TIMP3: variants seen among roughly 807,000 people sequenced by gnomAD.
TIMP3 encodes the protein TIMP metallopeptidase inhibitor 3.
A neutral mutation model predicts 30.0 loss-of-function variants in TIMP3; 11 were observed. The ratio of observed to expected loss-of-function variants is 0.37; its 90% CI spans 0.23 to 0.61. The LOEUF is 0.61. Ranked by LOEUF, TIMP3 falls within the 20% of genes least tolerant of loss-of-function variation. TIMP3 has a pLI of 0.70. For synonymous variants in TIMP3, 112 were observed against 111.3 expected, an observed-to-expected ratio of 1.01 and a Z score of -0.04; for missense variants, 181 against 276.8, an observed-to-expected ratio of 0.65 and a Z score of 2.45.
Position 32,857,868 on chromosome 22 carries a change from G to T in TIMP3, c.317-149G>T, listed in dbSNP as rs2146288481. ...AATGGGGCTACAGTCCATTTTAAAAGGTGTTGGGTAGGGTGAAATAAAATC... is the reference window on the plus strand; with the variant it reads ...AATGGGGCTACAGTCCATTTTAAAATGTGTTGGGTAGGGTGAAATAAAATC... On this transcript the variant is annotated intron_variant, in intron 3 of 4. Transcript: ENST00000266085. The T allele has an allele frequency of 2.5e-6, 3 of 1,194,892 alleles. No homozygotes were observed. The South Asian group carries it at 3.8e-5, about 15-fold the overall frequency. 74.0% of individuals were successfully genotyped at this position (1,194,892 alleles called of 1,614,324 possible). A position where few individuals can be genotyped will look rare whatever the true frequency, so the allele number is the denominator to read the frequency against.
intron 1 of TIMP3, among the ~76,000 whole-genome samples, chr22:32,813,486 TACACACACACACACACAC>T (rs130277): frequency 2.3e-4 from 32 of 138,284 alleles, no homozygotes; most frequent in Admixed American, 8.6e-4. Context: ...TCTGAAAAGA[TACACACACACACACACAC>T]ACACACACAC....
chr22:32,849,268 C>T (rs554501648), intron 1 of TIMP3, among the ~76,000 whole-genome samples, 184 bp from the exon 2 acceptor site: 55 of 152,188 alleles, frequency 3.6e-4, no homozygotes, highest in Middle Eastern at 6.8e-3. Flanking sequence ...GTTTCTTTTT[C>T]CTCCAACCTC....
At chr22:32,813,065 T>A (rs1045731038) in intron 1 of TIMP3, among the ~76,000 whole-genome samples, 2 of 152,204 alleles carry the variant, frequency 1.3e-5, no homozygotes, top group African/African-American at 4.8e-5. Context: ...TCCTCACTTG[T>A]CATCCATGCC....
chr22:32,851,987 A>G (rs960718156), intron 2 of TIMP3, among the ~76,000 whole-genome samples: 1 of 152,180 alleles, frequency 6.6e-6, no homozygotes, highest in Non-Finnish European at 1.5e-5. Flanking sequence ...GTACTGTACT[A>G]TGAACTGGGG....
At chr22:32,830,974 G>T (rs1178255608) in intron 1 of TIMP3, among the ~76,000 whole-genome samples, 1 of 152,286 alleles carries the variant, frequency 6.6e-6, no homozygotes, top group East Asian at 1.9e-4. Context: ...CCCAACCAGG[G>T]GCACAGGGGT....
intron 1 of TIMP3, among the ~76,000 whole-genome samples, chr22:32,815,853 A>G (rs2047075974): frequency 6.6e-6 from 1 of 152,086 alleles, no homozygotes; most frequent in Non-Finnish European, 1.5e-5. Flanking sequence ...CGGTCACCCC[A>G]CTGCATGATG....
In TIMP3 at chr22:32,858,068, G is replaced by C; in HGVS notation, c.368G>C (p.Arg123Thr). The change falls in exon 4 of 5, where the codon AGG (arginine) becomes ACG (threonine). Residue 123 changes from arginine to threonine, a missense_variant. Physicochemically the swap from Arg to Thr is moderately conservative, Grantham distance 71 (BLOSUM62 -1). Coordinates refer to ENST00000266085, the MANE Select transcript of TIMP3 (RefSeq NM_000362.5). ...ACGGGGCTGTGCAACTTCGTGGAGA[G>C]GTGGGACCAGCTCACCCTCTCCCAG... ...MYTGLCNFVE[R>T]WDQLTLSQRK... 6.2e-7 allele frequency: 1 copy of C among 1,614,184 alleles called. No homozygotes were observed. Among genetic ancestry groups the C allele is most frequent in the Non-Finnish European group, 8.5e-7 (1 of 1,180,020 alleles).
intron 1 of TIMP3, among the ~76,000 whole-genome samples, chr22:32,822,582 C>G (rs552053279): frequency 6.6e-6 from 1 of 152,300 alleles, no homozygotes; most frequent in Non-Finnish European, 1.5e-5. Context: ...GCAATGGAGT[C>G]CATTGCTACA....
chr22:32,846,818 T>C (rs534788811), intron 1 of TIMP3, among the ~76,000 whole-genome samples: 1 of 152,308 alleles, frequency 6.6e-6, no homozygotes, highest in African/African-American at 2.4e-5. Context: ...GATCATACAG[T>C]AATGGTGGAA....
At chr22:32,854,721 G>A (rs560618709) in intron 2 of TIMP3, among the ~76,000 whole-genome samples, 9 of 152,264 alleles carry the variant, frequency 5.9e-5, no homozygotes, top group South Asian at 4.1e-4. Flanking sequence ...CCCCCACCGC[G>A]TAATTGAATG....
intron 1 of TIMP3, among the ~76,000 whole-genome samples, chr22:32,823,467 G>A (rs25027): frequency 0.92 from 139,411 of 152,172 alleles, 63,919 homozygotes; most frequent in Middle Eastern, 0.95. Flanking sequence ...CCAGGATGCA[G>A]TGGGCCGTCT....
At chr22:32,804,306 A>C (rs1015397416) in intron 1 of TIMP3, among the ~76,000 whole-genome samples, 3 of 152,114 alleles carry the variant, frequency 2.0e-5, no homozygotes, top group Non-Finnish European at 2.9e-5. Flanking sequence ...CTCGCCTTGC[A>C]CAGCACCCTG....
At chr22:32,856,432 C>A (rs1362404196) in intron 2 of TIMP3, among the ~76,000 whole-genome samples, 3 of 152,058 alleles carry the variant, frequency 2.0e-5, no homozygotes, top group Admixed American at 6.5e-5. Context: ...AGATCAGTGA[C>A]CGGCCACTGG....
At chr22:32,810,035 G>T (rs1239981923) in intron 1 of TIMP3, among the ~76,000 whole-genome samples, 2 of 152,182 alleles carry the variant, frequency 1.3e-5, no homozygotes, top group African/African-American at 4.8e-5. Context: ...TTCAGAGGAG[G>T]TGACATGGGT....
At chr22:32,839,528 G>A (rs1030560633) in intron 1 of TIMP3, among the ~76,000 whole-genome samples, 1 of 152,110 alleles carries the variant, frequency 6.6e-6, no homozygotes, top group Non-Finnish European at 1.5e-5. Context: ...CCCCAGGTAA[G>A]TCGGCCCTGA....
intron 2 of TIMP3, among the ~76,000 whole-genome samples, chr22:32,855,104 T>C (rs578095382): frequency 4.6e-5 from 7 of 152,316 alleles, no homozygotes; most frequent in Admixed American, 3.9e-4. Context: ...TTATAAACCC[T>C]TGGGACAAGC....
chr22:32,839,068 G>A (rs553187097), intron 1 of TIMP3, among the ~76,000 whole-genome samples: 1 of 151,998 alleles, frequency 6.6e-6, no homozygotes, highest in African/African-American at 2.4e-5. Context: ...AGCCAAAGGT[G>A]CAGGCAGATG....
rs367976058 is a variant in TIMP3 at position 32,822,929 on chromosome 22, CAAAA to C, written c.121+20814_121+20817del. On this transcript the variant is annotated intron_variant, in intron 1 of 4. Coordinates refer to ENST00000266085, the MANE Select transcript of TIMP3 (RefSeq NM_000362.5). ...TTAAAAACAACAACAACAACAACAA[CAAAA>C]AAAAAACAGAGAGAGAGAGATGAAT... is the stretch of plus-strand genomic sequence containing the variant. Among the ~76,000 whole-genome samples the C allele has an allele frequency of 2.4e-3, 60 of 25,374 alleles. No homozygotes were observed. The East Asian group carries it at 0.038, about 16-fold the overall frequency. The allele number at this position is 25,374 out of a possible 152,430, so 16.6% of individuals were successfully genotyped here.
intron 1 of TIMP3, among the ~76,000 whole-genome samples, chr22:32,848,210 C>T (rs959207694): frequency 2.6e-5 from 4 of 152,222 alleles, no homozygotes; most frequent in Admixed American, 1.3e-4. Flanking sequence ...TGGTAAATGC[C>T]TCTCTTTCAG....
Sources: gnomAD v4.1 joint callset for allele counts (sites outside exome capture counted in the v4.1 genomes callset) on GRCh38, gnomAD v4.1.1 for gene constraint, MANE v1.5 for transcripts, NCBI Gene and HGNC (gene_info 2026-07-23, HGNC 2026-07-21) for gene names.